SHANK2: variants seen among roughly 807,000 people sequenced by gnomAD.
SHANK2 encodes the protein SH3 and multiple ankyrin repeat domains 2.
A neutral mutation model predicts 133.7 loss-of-function variants in SHANK2; 43 were observed. The observed-to-expected ratio is 0.32, with a 90% confidence interval of 0.25 to 0.41. SHANK2 has a LOEUF of 0.41. Ranked by LOEUF, SHANK2 falls within the 10% of genes least tolerant of loss-of-function variation. SHANK2 has a pLI of 1.00. For synonymous variants in SHANK2, 1,017 were observed against 952.8 expected, an observed-to-expected ratio of 1.07 and a Z score of -1.24; for missense variants, 1,994 against 2,235.8, an observed-to-expected ratio of 0.89 and a Z score of 2.18.
chr11:70,887,141 C>T lies in SHANK2; in HGVS notation c.1174+9360G>A, dbSNP rs111886587. 6.1e-3 allele frequency among the ~76,000 whole-genome samples: 934 copies of T among 152,174 alleles called. 9 individuals are homozygous for T. The highest frequency in any genetic ancestry group is 0.022 in the African/African-American group (903 of 41,530). ...TGTGCACGACTGTTTCAGATGCGGG[C>T]TCCCCGGCACCCGGACAGTCTTGCT... On this transcript the variant is annotated intron_variant, in intron 11 of 25. Transcript: ENST00000601538.
intron 14 of SHANK2, among the ~76,000 whole-genome samples, chr11:70,745,319 T>C (rs1946615062): frequency 6.6e-6 from 1 of 152,206 alleles, no homozygotes. Flanking sequence ...AGCCTCTGCT[T>C]ACTCTCGGTT....
At chr11:70,729,680 A>G (rs1591793376) in intron 14 of SHANK2, among the ~76,000 whole-genome samples, 1 of 150,460 alleles carries the variant, frequency 6.6e-6, no homozygotes, top group South Asian at 2.1e-4. Context: ...GCCCGCTACC[A>G]CACCCGGCTA....
intron 17 of SHANK2, among the ~76,000 whole-genome samples, chr11:70,603,003 G>C (rs574951221): frequency 6.6e-6 from 1 of 152,348 alleles, no homozygotes; most frequent in African/African-American, 2.4e-5. Flanking sequence ...GGTCGGCAAA[G>C]AATGCAGGTG....
chr11:70,880,219 A>G (rs1949638042), intron 11 of SHANK2, among the ~76,000 whole-genome samples: 2 of 152,234 alleles, frequency 1.3e-5, no homozygotes, highest in South Asian at 4.1e-4. Flanking sequence ...GGGTATAAAC[A>G]GCACATGCAC....
At position 71,210,887 on chromosome 11, in the gene SHANK2, C is replaced by T. The variant is rs141734449; in HGVS notation, c.-13+13810G>A. Among the ~76,000 whole-genome samples the T allele has an allele frequency of 3.6e-3, 541 of 152,260 alleles. 4 individuals carry two copies. Among genetic ancestry groups the T allele is most frequent in the African/African-American group, 0.012 (501 of 41,548 alleles). ...GGGCAGTGAAGAGAGTGTGATGCAG[C>T]GCCGGCACTCCCCTCATCCTCACGG... On this transcript the variant is annotated intron_variant, in intron 2 of 25. Coordinates refer to ENST00000601538, the MANE Select transcript of SHANK2 (RefSeq NM_012309.5).
At chr11:70,938,771 G>A (rs1260863696) in intron 10 of SHANK2, among the ~76,000 whole-genome samples, 4 of 152,124 alleles carry the variant, frequency 2.6e-5, no homozygotes, top group Non-Finnish European at 5.9e-5. Flanking sequence ...AAATGCCAGA[G>A]GTCAGAGTCA....
intron 17 of SHANK2, among the ~76,000 whole-genome samples, chr11:70,572,199 G>A (rs1258592904): frequency 2.0e-5 from 3 of 152,194 alleles, no homozygotes; most frequent in Non-Finnish European, 1.5e-5. Context: ...TCACTCTGTC[G>A]CCCAGGCTGG....
At chr11:70,637,359 C>T (rs912186070) in intron 17 of SHANK2, among the ~76,000 whole-genome samples, 3 of 152,260 alleles carry the variant, frequency 2.0e-5, no homozygotes, top group Non-Finnish European at 4.4e-5. Flanking sequence ...CCGCACACAA[C>T]TGATTAGACC....
At position 70,658,220 on chromosome 11, in the gene SHANK2, CACACACACACACACACACACACACAG is replaced by C. The variant is rs1555012167; in HGVS notation, c.2061+1582_2061+1607del. ...GCCACGCCCCCCCAACACACACACA[CACACACACACACACACACACACACAG>C]ACACACACACACACACAGACACACA... On this transcript the variant is annotated intron_variant, in intron 17 of 25. Transcript: ENST00000601538. 4.8e-3 allele frequency among the ~76,000 whole-genome samples: 578 copies of C among 121,480 alleles called. 5 individuals are homozygous for C. Among genetic ancestry groups the C allele is most frequent in the Middle Eastern group, 0.019 (5 of 258 alleles). The allele number at this position is 121,480 out of a possible 152,430, so 79.7% of individuals were successfully genotyped here.
intron 10 of SHANK2, among the ~76,000 whole-genome samples, chr11:70,899,129 G>A (rs970209400): frequency 2.0e-5 from 3 of 152,182 alleles, no homozygotes; most frequent in African/African-American, 7.2e-5. Flanking sequence ...TGTGAGGTGA[G>A]ATGGTTTGTG....
intron 14 of SHANK2, among the ~76,000 whole-genome samples, chr11:70,717,700 C>T (rs948787920): frequency 4.6e-5 from 7 of 152,152 alleles, no homozygotes; most frequent in African/African-American, 1.7e-4. Context: ...GAATTCTCGG[C>T]CATCCTTTCT....
chr11:70,487,865 G>A lies in SHANK2; in HGVS notation c.2573-145C>T. ...CAGGAAACACAGCACAAGCCACGATGCCGAGTGGTTAGTCACATGGCCCGT... is the reference window on the plus strand; with the variant it reads ...CAGGAAACACAGCACAAGCCACGATACCGAGTGGTTAGTCACATGGCCCGT... On this transcript the variant is annotated intron_variant, in intron 24 of 25. Transcript: ENST00000601538. This position sits in a 1 kb window ranked among gnomAD's most constrained non-coding sequence, Gnocchi z 5.8. 6.7e-7 allele frequency: 1 copy of A among 1,492,508 alleles called. No individual in the cohort carries two copies. The highest frequency in any genetic ancestry group is 1.2e-5 in the South Asian group (1 of 81,566). The allele number at this position is 1,492,508 out of a possible 1,614,324, so 92.5% of individuals were successfully genotyped here. A position where few individuals can be genotyped will look rare whatever the true frequency, so the allele number is the denominator to read the frequency against.
At position 71,104,363 on chromosome 11, in the gene SHANK2, C is replaced by A. The variant is rs531618923; in HGVS notation, c.592+5578G>T. Among the ~76,000 whole-genome samples the A allele has an allele frequency of 5.9e-5, 9 of 152,192 alleles. No individual in the cohort carries two copies. The East Asian group carries it at 9.7e-4, about 16-fold the overall frequency. ...CGCCTCTGCAGTCCCAACACAGGGC[C>A]CCCCCCATCCTGCATCTCTGAAGCC... On this transcript the variant is annotated intron_variant, in intron 6 of 25. Transcript: ENST00000601538.
At chr11:70,867,693 T>C (rs1165941505) in intron 11 of SHANK2, among the ~76,000 whole-genome samples, 8 of 152,188 alleles carry the variant, frequency 5.3e-5, no homozygotes, top group Non-Finnish European at 8.8e-5. Flanking sequence ...CTCACCCCAA[T>C]AAAAGCTTTA....
At chr11:70,951,632 G>A (rs1438202874) in intron 10 of SHANK2, among the ~76,000 whole-genome samples, 3 of 151,440 alleles carry the variant, frequency 2.0e-5, no homozygotes, top group African/African-American at 7.3e-5. Context: ...CTGCTGCACT[G>A]TGACATCATA....
At chr11:70,549,941 C>T (rs916765645) in intron 17 of SHANK2, among the ~76,000 whole-genome samples, 2 of 152,236 alleles carry the variant, frequency 1.3e-5, no homozygotes, top group Non-Finnish European at 2.9e-5. Context: ...CTCTCTCCTG[C>T]TGGGCTCTGT....
intron 15 of SHANK2, among the ~76,000 whole-genome samples, chr11:70,674,332 G>A (rs1944868483): frequency 6.6e-6 from 1 of 151,916 alleles, no homozygotes; most frequent in Admixed American, 6.6e-5. Context: ...CTGACACATT[G>A]TAATGGGAAG....
At chr11:70,578,481 G>GC (rs1294560692) in intron 17 of SHANK2, among the ~76,000 whole-genome samples, 7 of 152,344 alleles carry the variant, frequency 4.6e-5, no homozygotes, top group Admixed American at 4.6e-4. Flanking sequence ...CTGGACCACA[G>GC]CATTGCACGG....
At chr11:71,151,238 G>A (rs1952791432) in intron 2 of SHANK2, among the ~76,000 whole-genome samples, 1 of 151,742 alleles carries the variant, frequency 6.6e-6, no homozygotes, top group Non-Finnish European at 1.5e-5. Context: ...GAGTGTTCAG[G>A]AACCTCCCGG....
Sources: gnomAD v4.1 joint callset for allele counts (sites outside exome capture counted in the v4.1 genomes callset) on GRCh38, gnomAD v4.1.1 for gene constraint, Gnocchi (gnomAD v3.1) non-coding constraint, MANE v1.5 for transcripts, NCBI Gene and HGNC (gene_info 2026-07-23, HGNC 2026-07-21) for gene names.